FREM3: variants seen among roughly 807,000 people sequenced by gnomAD.
FREM3 encodes FRAS1-related extracellular matrix protein 3.
A neutral mutation model predicts 129.1 loss-of-function variants in FREM3; 105 were observed. The observed-to-expected ratio is 0.81, with a 90% CI of 0.69 to 0.96. The LOEUF is 0.96. Ranked by LOEUF, FREM3 falls within the 40% of genes least tolerant of loss-of-function variation. FREM3 has a pLI of 0.00. For synonymous variants in FREM3, 1,014 were observed against 1,044.9 expected, an observed-to-expected ratio of 0.97 and a Z score of 0.57; for missense variants, 2,593 against 2,666.3, an observed-to-expected ratio of 0.97 and a Z score of 0.61.
intron 6 of FREM3, among the ~76,000 whole-genome samples, chr4:143,595,760 C>T (rs1004751655): frequency 1.2e-4 from 18 of 152,120 alleles, no homozygotes; most frequent in Middle Eastern, 3.4e-3. Flanking sequence ...TGGTGGCAGG[C>T]TCCTGTAGTC....
intron 2 of FREM3, among the ~76,000 whole-genome samples, chr4:143,684,258 C>T (rs572964372): frequency 8.5e-5 from 13 of 152,236 alleles, no homozygotes; most frequent in Middle Eastern, 6.8e-3. Flanking sequence ...GTCCATTGCA[C>T]CCCCCACCAC....
intron 5 of FREM3, among the ~76,000 whole-genome samples, chr4:143,612,798 T>C (rs536257767): frequency 7.2e-5 from 11 of 152,320 alleles, no homozygotes; most frequent in African/African-American, 2.6e-4. Context: ...ACAAAGACTA[T>C]GAAATAATAA....
intron 5 of FREM3, among the ~76,000 whole-genome samples, chr4:143,619,954 G>A (rs1018697269): frequency 6.6e-6 from 1 of 152,100 alleles, no homozygotes. Flanking sequence ...ATATCAACAA[G>A]TAGGAGCACT....
Position 143,586,822 on chromosome 4 carries a change from A to G in FREM3, c.6029-829T>C, listed in dbSNP as rs140484146. 5.0e-3 allele frequency among the ~76,000 whole-genome samples: 756 copies of G among 152,308 alleles called. 5 individuals carry two copies. Among genetic ancestry groups the G allele is most frequent in the African/African-American group, 0.017 (722 of 41,572 alleles). ...CCTACTATATGTACTGTCATGAAAA[A>G]GATTTTGAGATGAATACTTTTGTTG... On this transcript the variant is annotated intron_variant, in intron 6 of 7. Transcript: ENST00000329798.
chr4:143,636,837 C>A (rs1739241501), intron 2 of FREM3, among the ~76,000 whole-genome samples: 1 of 152,046 alleles, frequency 6.6e-6, no homozygotes. Flanking sequence ...TAGGTAAAGT[C>A]ATTTACCAAA....
Position 143,635,891 on chromosome 4 carries a change from T to C in FREM3, c.5276-8131A>G, listed in dbSNP as rs543887351. ...TGGGGTTTGATTTACCATCACACTTTTTTCAGACAGTATTTTGAAGTGGAA... is the reference window on the plus strand; with the variant it reads ...TGGGGTTTGATTTACCATCACACTTCTTTCAGACAGTATTTTGAAGTGGAA... On this transcript the variant is annotated intron_variant, in intron 2 of 7. Transcript: ENST00000329798. Among the ~76,000 whole-genome samples, 19 of 152,270 alleles carry C rather than the reference T, an allele frequency of 1.2e-4. No individual in the cohort carries two copies. In the South Asian group the frequency reaches 3.9e-3, roughly 32 times the overall value.
chr4:143,634,086 C>A (rs1368368994), intron 2 of FREM3, among the ~76,000 whole-genome samples: 1 of 152,042 alleles, frequency 6.6e-6, no homozygotes, highest in Non-Finnish European at 1.5e-5. Context: ...ATAGATATAG[C>A]AATAGCTGAT....
In FREM3 at chr4:143,623,986, T is replaced by G. The variant is rs111404307; in HGVS notation, c.5653+122A>C. ...TGTCTATAAAGTAATTTACTTCACT[T>G]TAAATCCTAAATGGATATGAACGCA... On this transcript the variant is annotated intron_variant, in intron 4 of 7. Coordinates refer to ENST00000329798, the MANE Select transcript of FREM3 (RefSeq NM_001168235.2). The G allele has an allele frequency of 1.2e-3, 732 of 620,900 alleles. 3 individuals carry two copies. The African/African-American group carries it at 0.013, about 11-fold the overall frequency. The allele number at this position is 620,900 out of a possible 1,614,324, so 38.5% of individuals were successfully genotyped here. A position where few individuals can be genotyped will look rare whatever the true frequency, so the allele number is the denominator to read the frequency against.
At chr4:143,594,211 A>G (rs59074417) in intron 6 of FREM3, among the ~76,000 whole-genome samples, 20,272 of 152,100 alleles carry the variant, frequency 0.13, 1,403 homozygotes, top group South Asian at 0.21. Flanking sequence ...TCCATCTCAC[A>G]CACGGTGCAC....
rs1274197786 is a variant in FREM3, at chr4:143,696,436, A to C, written c.4240T>G (p.Tyr1414Asp). 6.5e-7 allele frequency: 1 copy of C among 1,537,668 alleles called. No homozygotes were observed. Among genetic ancestry groups the C allele is most frequent in the Admixed American group, 2.0e-5 (1 of 51,000 alleles). The change falls in exon 1 of 8, where the codon TAC (tyrosine) becomes GAC (aspartate). Residue 1414 changes from tyrosine to aspartate, a missense_variant. This residue lies in a region of FREM3 where 2,276 missense variants were observed against 2,267.2 expected (regional missense o/e 1.00). Coordinates refer to ENST00000329798, the MANE Select transcript of FREM3 (RefSeq NM_001168235.2). ...TDGVNTLTDH[Y>D]FYVTIGNLDS... ...AAGTTGCCAATGGTGACATAGAAGT[A>C]GTGGTCTGTCAAAGTGTTAACCCCA...
intron 4 of FREM3, among the ~76,000 whole-genome samples, 184 bp from the exon 5 acceptor site, chr4:143,621,346 T>C (rs1005304194): frequency 5.3e-5 from 8 of 152,188 alleles, no homozygotes; most frequent in Non-Finnish European, 1.0e-4. Context: ...GGCATTGGAA[T>C]TGGGTTTTAG....
intron 6 of FREM3, among the ~76,000 whole-genome samples, chr4:143,590,449 C>G (rs1182756911): frequency 6.6e-6 from 1 of 152,088 alleles, no homozygotes; most frequent in East Asian, 1.9e-4. Context: ...TAGCATGAAG[C>G]ATTGTTGAAT....
chr4:143,609,999 T>C (rs2149839008), intron 6 of FREM3, among the ~76,000 whole-genome samples: 1 of 152,306 alleles, frequency 6.6e-6, no homozygotes, highest in African/African-American at 2.4e-5. Context: ...AAGGAATATA[T>C]TGAAAATTTA....
intron 2 of FREM3, among the ~76,000 whole-genome samples, chr4:143,682,929 A>G (rs1740281760): frequency 6.6e-6 from 1 of 152,190 alleles, no homozygotes; most frequent in Non-Finnish European, 1.5e-5. Flanking sequence ...CAGGGAGACT[A>G]TGCTGGATTA....
chr4:143,700,143 A>G lies in FREM3; in HGVS notation c.533T>C (p.Val178Ala), dbSNP rs763128057. 47 of 1,536,880 alleles carry G rather than the reference A, an allele frequency of 3.1e-5. No homozygotes were observed. The South Asian group carries it at 4.4e-4, about 14-fold the overall frequency. ...GCGGCTCCAGCTTCGCAGCTTCTCC[A>G]CTACCAAAGGCCTGTTACGCGTCAC... ...ELVTRNRPLV[V>A]EKLRSWSRAI... is the part of the protein sequence containing the mutation. Residue 178 changes from valine to alanine, a missense_variant, in exon 1 of 8, where the codon GTG becomes GCG. This residue lies in a region of FREM3 where 2,276 missense variants were observed against 2,267.2 expected (regional missense o/e 1.00). Coordinates refer to ENST00000329798, the MANE Select transcript of FREM3 (RefSeq NM_001168235.2).
intron 2 of FREM3, among the ~76,000 whole-genome samples, chr4:143,692,501 AC>A (rs1476867825): frequency 6.6e-6 from 1 of 152,158 alleles, no homozygotes; most frequent in Non-Finnish European, 1.5e-5. Context: ...TCTTCTGACC[AC>A]ATAATCATTG....
At chr4:143,658,728 C>T (rs2149851152) in intron 2 of FREM3, among the ~76,000 whole-genome samples, 1 of 152,302 alleles carries the variant, frequency 6.6e-6, no homozygotes, top group South Asian at 2.1e-4. Flanking sequence ...AGCTCATCAG[C>T]TATCATTATC....
chr4:143,665,826 C>T (rs1739848496), intron 2 of FREM3, among the ~76,000 whole-genome samples: 1 of 152,108 alleles, frequency 6.6e-6, no homozygotes, highest in Non-Finnish European at 1.5e-5. Flanking sequence ...AAAGTGTACT[C>T]ATCTAACTAG....
chr4:143,664,803 T>G (rs1297947150), intron 2 of FREM3, among the ~76,000 whole-genome samples: 1 of 151,744 alleles, frequency 6.6e-6, no homozygotes, highest in African/African-American at 2.4e-5. Context: ...CGGGCGCCCC[T>G]CCCCCAACCT....
Sources: gnomAD v4.1 joint callset for allele counts (sites outside exome capture counted in the v4.1 genomes callset) on GRCh38, gnomAD v4.1.1 for gene constraint, gnomAD v4.1.1 regional missense constraint, MANE v1.5 for transcripts, NCBI Gene and HGNC (gene_info 2026-07-23, HGNC 2026-07-21) for gene names.